SPOCK1: variants seen among roughly 807,000 people sequenced by gnomAD.
The protein encoded by SPOCK1 is SPARC (osteonectin), cwcv and kazal like domains proteoglycan 1, also known as testican-1.
Under a neutral mutation model 55.3 loss-of-function variants are expected in SPOCK1, and 23 were observed. That is an observed-to-expected ratio of 0.42 (90% CI 0.30 to 0.59). The LOEUF is 0.59. SPOCK1 is among the 20% of genes least tolerant of loss of function. The probability of loss-of-function intolerance (pLI) is 0.22; values close to 1 mark genes in which losing one functional copy is unlikely to be tolerated. For synonymous variants in SPOCK1, 226 were observed against 221.0 expected, an observed-to-expected ratio of 1.02 and a Z score of -0.20; for missense variants, 499 against 552.5, an observed-to-expected ratio of 0.90 and a Z score of 0.97.
chr5:137,218,699 G>A (rs1361335646), intron 3 of SPOCK1, among the ~76,000 whole-genome samples: 1 of 152,152 alleles, frequency 6.6e-6, no homozygotes, highest in Admixed American at 6.5e-5. Flanking sequence ...AGACACAGCA[G>A]AAGCAAGCTG....
At position 136,988,447 on chromosome 5, in the gene SPOCK1, CCACT is replaced by C; in HGVS notation, c.899_902del (p.Glu300GlyfsTer17). 6.2e-7 allele frequency: 1 copy of C among 1,614,116 alleles called. No homozygotes were observed. Among genetic ancestry groups the C allele is most frequent in the Non-Finnish European group, 8.5e-7 (1 of 1,179,998 alleles). ...CTCCAGGCTTCTGGAAGCAGTAGCA[CCACT>C]CATTGTTAGAAAGCTTGCCATCCTT... On this transcript the variant is annotated frameshift_variant, in exon 8 of 11. Coordinates refer to ENST00000394945, the MANE Select transcript of SPOCK1 (RefSeq NM_004598.4). LOFTEE classifies it high-confidence loss of function.
At chr5:137,321,584 A>AG (rs1365864060) in intron 2 of SPOCK1, among the ~76,000 whole-genome samples, 2 of 152,172 alleles carry the variant, frequency 1.3e-5, no homozygotes, top group Non-Finnish European at 2.9e-5. Flanking sequence ...TGATTAAAAA[A>AG]GAAAAAAAAG....
chr5:137,430,709 A>G (rs1169772275), intron 2 of SPOCK1, among the ~76,000 whole-genome samples: 3 of 152,100 alleles, frequency 2.0e-5, no homozygotes, highest in Non-Finnish European at 4.4e-5. Context: ...AGAGGAACTT[A>G]ATCACTCTCA....
intron 2 of SPOCK1, among the ~76,000 whole-genome samples, chr5:137,406,270 T>C (rs1752096834): frequency 6.6e-6 from 1 of 152,132 alleles, no homozygotes; most frequent in African/African-American, 2.4e-5. Context: ...CAGTGCCAAA[T>C]GCTGTAGGTG....
intron 2 of SPOCK1, among the ~76,000 whole-genome samples, chr5:137,315,637 G>A (rs1268546596): frequency 2.6e-5 from 4 of 152,122 alleles, no homozygotes; most frequent in African/African-American, 4.8e-5. Context: ...ACCCCTTTGA[G>A]GTCATTTCAT....
intron 3 of SPOCK1, among the ~76,000 whole-genome samples, chr5:137,169,258 G>C (rs1483751537): frequency 6.6e-6 from 1 of 152,032 alleles, no homozygotes; most frequent in East Asian, 1.9e-4. Context: ...GAATGAATAA[G>C]ACCTAATATT....
chr5:137,493,629 T>C (rs1004036994), intron 2 of SPOCK1, among the ~76,000 whole-genome samples: 3 of 152,242 alleles, frequency 2.0e-5, no homozygotes, highest in Non-Finnish European at 4.4e-5. Flanking sequence ...TTTCTATCAA[T>C]GGTCAGCTAG....
At chr5:137,345,966 G>C (rs1374132022) in intron 2 of SPOCK1, among the ~76,000 whole-genome samples, 1 of 152,180 alleles carries the variant, frequency 6.6e-6, no homozygotes. Context: ...TGTGTGACAG[G>C]GCTCATCACT....
At chr5:137,331,474 C>T (rs1463929933) in intron 2 of SPOCK1, among the ~76,000 whole-genome samples, 1 of 152,200 alleles carries the variant, frequency 6.6e-6, no homozygotes, top group Admixed American at 6.5e-5. Context: ...TTGCTATAAA[C>T]ACCTGAGGCT....
intron 2 of SPOCK1, among the ~76,000 whole-genome samples, chr5:137,459,451 C>CTTTT (rs10642886): frequency 6.9e-5 from 10 of 145,770 alleles, no homozygotes; most frequent in East Asian, 4.0e-4. Context: ...TAATGAAAGG[C>CTTTT]TTTTTTTTTT....
At chr5:137,073,475 G>A (rs920477587) in intron 5 of SPOCK1, among the ~76,000 whole-genome samples, 6 of 152,218 alleles carry the variant, frequency 3.9e-5, no homozygotes, top group Non-Finnish European at 7.3e-5. Flanking sequence ...GAGGAAGCTA[G>A]AGAGGGATGA....
chr5:137,205,495 A>G (rs901105388), intron 3 of SPOCK1, among the ~76,000 whole-genome samples: 3 of 152,222 alleles, frequency 2.0e-5, no homozygotes, highest in Non-Finnish European at 4.4e-5. Flanking sequence ...TGAGATGAAA[A>G]AGGCTCTGCT....
intron 4 of SPOCK1, 114 bp from the exon 5 acceptor site, chr5:137,112,675 A>G: frequency 1.4e-5 from 18 of 1,281,556 alleles, no homozygotes; most frequent in Non-Finnish European, 1.8e-5. Context: ...AACCAGGCCA[A>G]GGGATCCTGA....
At chr5:137,440,987 T>C (rs1408813800) in intron 2 of SPOCK1, among the ~76,000 whole-genome samples, 1 of 152,234 alleles carries the variant, frequency 6.6e-6, no homozygotes, top group South Asian at 2.1e-4. Flanking sequence ...AGGGCAGTAA[T>C]AGTTCTTTAA....
intron 3 of SPOCK1, among the ~76,000 whole-genome samples, chr5:137,160,604 T>C (rs1183817054): frequency 2.1e-4 from 17 of 79,116 alleles, no homozygotes; most frequent in African/African-American, 8.3e-4. Context: ...ATATATTATA[T>C]ATAATATATA....
At chr5:137,429,493 T>C (rs1053499967) in intron 2 of SPOCK1, among the ~76,000 whole-genome samples, 2 of 152,228 alleles carry the variant, frequency 1.3e-5, no homozygotes, top group Non-Finnish European at 2.9e-5. Context: ...GTAAGCTCCA[T>C]GAAGGCAGAA....
chr5:137,229,496 T>C (rs1482723389), intron 3 of SPOCK1, among the ~76,000 whole-genome samples: 1 of 152,110 alleles, frequency 6.6e-6, no homozygotes, highest in Non-Finnish European at 1.5e-5. Flanking sequence ...AAGATGACAC[T>C]CTCACTTGAA....
intron 2 of SPOCK1, among the ~76,000 whole-genome samples, chr5:137,319,557 G>A (rs1757942073): frequency 6.6e-6 from 1 of 152,160 alleles, no homozygotes; most frequent in East Asian, 1.9e-4. Flanking sequence ...TTTATGCAAT[G>A]CCATAAAACT....
intron 6 of SPOCK1, among the ~76,000 whole-genome samples, chr5:137,007,870 CAA>C (rs1751280309): frequency 6.6e-6 from 1 of 151,962 alleles, no homozygotes; most frequent in Admixed American, 6.6e-5. Context: ...TTCACAATAG[CAA>C]AGACTTGGAA....
Sources: allele counts gnomAD v4.1 joint callset (sites outside exome capture counted in the v4.1 genomes callset), GRCh38; gene constraint gnomAD v4.1.1; transcripts MANE v1.5; gene names NCBI Gene and HGNC (gene_info 2026-07-23, HGNC 2026-07-21).